Variants in CSGALNACT1 observed in about 807,000 individuals in gnomAD.
CSGALNACT1 encodes the protein beta4GalNAcT-1.
CSGALNACT1 carries 52 observed loss-of-function variants against 51.0 expected under a neutral mutation model. The observed-to-expected ratio is 1.02, with a 90% CI of 0.82 to 1.29. CSGALNACT1 has a LOEUF of 1.29. CSGALNACT1 is among the 50% of genes most tolerant of loss of function. CSGALNACT1 has a pLI of 0.00. For synonymous variants in CSGALNACT1, 341 were observed against 254.4 expected (o/e 1.34, Z -3.24); for missense variants, 935 against 679.2 (o/e 1.38, Z -4.19).
At chr8:19,676,322 C>A (rs2060187840) in intron 1 of CSGALNACT1, among the ~76,000 whole-genome samples, 1 of 152,082 alleles carries the variant, frequency 6.6e-6, no homozygotes, top group African/African-American at 2.4e-5. Flanking sequence ...TTCCATAAGG[C>A]AAATGCTCTT....
intron 1 of CSGALNACT1, among the ~76,000 whole-genome samples, chr8:19,741,655 A>T (rs1435528825): frequency 6.6e-6 from 1 of 151,908 alleles, no homozygotes; most frequent in African/African-American, 2.4e-5. Context: ...TCCATGAACT[A>T]TAGGGACATT....
At chr8:19,450,735 A>G (rs1201092807) in intron 5 of CSGALNACT1, among the ~76,000 whole-genome samples, 2 of 152,030 alleles carry the variant, frequency 1.3e-5, no homozygotes, top group African/African-American at 4.8e-5. Flanking sequence ...TGGGCAACAG[A>G]GCAAGACTTT....
At chr8:19,529,124 CAACA>C (rs1331591261) in intron 3 of CSGALNACT1, among the ~76,000 whole-genome samples, 2 of 152,092 alleles carry the variant, frequency 1.3e-5, no homozygotes, top group African/African-American at 4.8e-5. Flanking sequence ...CTGAGAACTG[CAACA>C]AAGCTCGGTG....
At chr8:19,487,614 C>G (rs2073286394) in intron 4 of CSGALNACT1, among the ~76,000 whole-genome samples, 1 of 152,162 alleles carries the variant, frequency 6.6e-6, no homozygotes, top group Non-Finnish European at 1.5e-5. Context: ...TTGATAAACT[C>G]CAACAGCCGA....
At chr8:19,565,435 C>G (rs182095973) in intron 3 of CSGALNACT1, among the ~76,000 whole-genome samples, 1 of 152,188 alleles carries the variant, frequency 6.6e-6, no homozygotes, top group African/African-American at 2.4e-5. Context: ...AAAATTAAAT[C>G]TCTTGACCTA....
chr8:19,699,570 G>A (rs1305565833), intron 1 of CSGALNACT1, among the ~76,000 whole-genome samples: 1 of 152,210 alleles, frequency 6.6e-6, no homozygotes, highest in African/African-American at 2.4e-5. Flanking sequence ...TTACTCACAT[G>A]AGGTCCCTGA....
chr8:19,542,135 T>C (rs2085335096), intron 3 of CSGALNACT1, among the ~76,000 whole-genome samples: 1 of 151,998 alleles, frequency 6.6e-6, no homozygotes, highest in African/African-American at 2.4e-5. Context: ...CTTTCTTCTG[T>C]GAGCTCCTTG....
Position 19,695,928 on chromosome 8 carries a change from T to C in CSGALNACT1, c.-297+61922A>G, listed in dbSNP as rs983558536. Among the ~76,000 whole-genome samples the C allele has an allele frequency of 7.2e-5, 11 of 152,316 alleles. No homozygotes were observed. The East Asian group carries it at 2.1e-3, about 29-fold the overall frequency. ...CCTGTCACAAAGCCATTAGCGCTCA[T>C]GAAAAACGATGGTATTGTTAAGGTT... is the stretch of plus-strand genomic sequence containing the variant. On this transcript the variant is annotated intron_variant, in intron 1 of 1. Coordinates refer to the CSGALNACT1 transcript ENST00000517494.
chr8:19,487,144 T>C (rs1587006776), intron 4 of CSGALNACT1, among the ~76,000 whole-genome samples: 1 of 152,192 alleles, frequency 6.6e-6, no homozygotes, highest in East Asian at 1.9e-4. Context: ...TCTAAAGAGC[T>C]TAAATTTTAT....
At chr8:19,539,156 T>C (rs1267859318) in intron 3 of CSGALNACT1, among the ~76,000 whole-genome samples, 1 of 152,214 alleles carries the variant, frequency 6.6e-6, no homozygotes, top group Non-Finnish European at 1.5e-5. Flanking sequence ...CAAGCAAATT[T>C]ACACACCTCA....
rs2059307454 is a variant in CSGALNACT1, at chr8:19,666,925, GA to G, written c.-544+15547del. The stretch of plus-strand genomic sequence containing the variant: ...AGGAAGGGAGGAAGGGAGGAAGGGA[GA>G]GACAGAGAGAGAGAGAAAAAGAAAG... On this transcript the variant is annotated intron_variant, in intron 1 of 9. Transcript: ENST00000332246. Among the ~76,000 whole-genome samples, 14 of 136,386 alleles carry G rather than the reference GA, an allele frequency of 1.0e-4. 1 individual carries two copies. Among genetic ancestry groups the G allele is most frequent in the African/African-American group, 3.7e-4 (13 of 35,616 alleles). 89.5% of individuals were successfully genotyped at this position (136,386 alleles called of 152,430 possible). A position where few individuals can be genotyped will look rare whatever the true frequency, so the allele number is the denominator to read the frequency against.
At chr8:19,696,080 G>A (rs17090762) in intron 1 of CSGALNACT1, among the ~76,000 whole-genome samples, 7,765 of 152,158 alleles carry the variant, frequency 0.051, 692 homozygotes, top group African/African-American at 0.18. Flanking sequence ...CCTACAAATC[G>A]TCTTTTAAAA....
chr8:19,589,056 G>C (rs1564168343), intron 3 of CSGALNACT1, among the ~76,000 whole-genome samples: 2 of 152,180 alleles, frequency 1.3e-5, no homozygotes, highest in African/African-American at 4.8e-5. Context: ...CGGAGCTCTT[G>C]ACAGCAAAGA....
intron 4 of CSGALNACT1, among the ~76,000 whole-genome samples, chr8:19,501,820 A>C (rs1587357762): frequency 1.3e-5 from 2 of 152,204 alleles, no homozygotes; most frequent in South Asian, 4.1e-4. Flanking sequence ...AAACAACATA[A>C]AGAGGGATTT....
chr8:19,438,999 T>C (rs1224980617), intron 6 of CSGALNACT1, among the ~76,000 whole-genome samples: 1 of 152,226 alleles, frequency 6.6e-6, no homozygotes, highest in Non-Finnish European at 1.5e-5. Context: ...TGTCTGCCCC[T>C]GAGTACCACT....
At chr8:19,511,696 G>A (rs1275759232) in intron 3 of CSGALNACT1, among the ~76,000 whole-genome samples, 2 of 152,126 alleles carry the variant, frequency 1.3e-5, no homozygotes, top group East Asian at 1.9e-4. Flanking sequence ...GGGTCTTGAT[G>A]TGAGTGACTG....
intron 3 of CSGALNACT1, among the ~76,000 whole-genome samples, chr8:19,521,085 G>A (rs573223480): frequency 2.0e-5 from 3 of 152,278 alleles, no homozygotes; most frequent in South Asian, 4.1e-4. Flanking sequence ...AGACATCATA[G>A]CAAAGGGCCC....
upstream of CSGALNACT1, among the ~76,000 whole-genome samples, chr8:19,684,724 C>G (rs1354629659): frequency 1.3e-5 from 2 of 152,104 alleles, no homozygotes; most frequent in Non-Finnish European, 2.9e-5. Context: ...GAAGAAAAGC[C>G]AGGTTCCAAT....
intron 4 of CSGALNACT1, among the ~76,000 whole-genome samples, chr8:19,477,521 G>C (rs1229067207): frequency 6.6e-6 from 1 of 152,134 alleles, no homozygotes; most frequent in African/African-American, 2.4e-5. Flanking sequence ...TAACTTCTTG[G>C]CATACTCTCT....
Sources: allele counts gnomAD v4.1 joint callset (sites outside exome capture counted in the v4.1 genomes callset), GRCh38; gene constraint gnomAD v4.1.1; transcripts MANE v1.5; gene names NCBI Gene and HGNC (gene_info 2026-07-23, HGNC 2026-07-21).